BTBD9: variants seen among roughly 807,000 people sequenced by gnomAD.
The protein encoded by BTBD9 is BTB domain containing 9.
In BTBD9, 49 loss-of-function variants were observed where a neutral mutation model predicts 64.3. That is an observed-to-expected ratio of 0.76 (90% CI 0.61 to 0.97). BTBD9 has a LOEUF of 0.97. BTBD9 is among the 50% of genes least tolerant of loss of function. The pLI, the probability that BTBD9 is intolerant of heterozygous loss-of-function variation, is 0.00. For synonymous variants in BTBD9, 260 were observed against 274.7 expected (o/e 0.95, Z 0.53); for missense variants, 598 against 762.1 (o/e 0.78, Z 2.53).
intron 7 of BTBD9, among the ~76,000 whole-genome samples, chr6:38,329,941 A>G (rs1436525913): frequency 6.6e-6 from 1 of 152,198 alleles, no homozygotes. Flanking sequence ...CAACAAGAGC[A>G]AAATTCCATC....
At chr6:38,284,325 T>C (rs917643107) in intron 8 of BTBD9, among the ~76,000 whole-genome samples, 6 of 152,184 alleles carry the variant, frequency 3.9e-5, no homozygotes, top group African/African-American at 1.4e-4. Flanking sequence ...AGAACCACTT[T>C]CATTCCACAT....
intron 6 of BTBD9, among the ~76,000 whole-genome samples, chr6:38,463,121 CCCCT>C (rs1770180181): frequency 6.6e-6 from 1 of 152,096 alleles, no homozygotes; most frequent in Non-Finnish European, 1.5e-5. Flanking sequence ...CAGATTTTTT[CCCCT>C]AAGTATTTCA....
chr6:38,315,109 A>G (rs745344781), intron 7 of BTBD9, among the ~76,000 whole-genome samples: 1 of 152,184 alleles, frequency 6.6e-6, no homozygotes, highest in Admixed American at 6.5e-5. Flanking sequence ...CAGCCTCCCA[A>G]AGTGCTGGGA....
intron 6 of BTBD9, among the ~76,000 whole-genome samples, chr6:38,375,595 C>G (rs897923049): frequency 3.3e-5 from 5 of 152,160 alleles, no homozygotes; most frequent in African/African-American, 9.7e-5. Flanking sequence ...TATTTGAACT[C>G]TGACAACAAT....
Position 38,269,496 on chromosome 6 carries a change from T to C in BTBD9, c.1455-12980A>G, listed in dbSNP as rs147878227. Among the ~76,000 whole-genome samples, 3 of 152,346 alleles carry C rather than the reference T, an allele frequency of 2.0e-5. No individual in the cohort carries two copies. The East Asian group carries it at 5.8e-4, about 29-fold the overall frequency. ...GATCACAAGTTTTAATTCAAACGTT[T>C]TCAGCTGAACATTAATAACGCTGGC... On this transcript the variant is annotated intron_variant, in intron 8 of 10. Coordinates refer to ENST00000481247, the MANE Select transcript of BTBD9 (RefSeq NM_001099272.2).
Position 38,551,699 on chromosome 6 carries a change from C to T in BTBD9, c.1154+25901G>A, listed in dbSNP as rs116954937. Among the ~76,000 whole-genome samples, 317 of 152,280 alleles carry T rather than the reference C, an allele frequency of 2.1e-3. 7 individuals are homozygous for T. The East Asian group carries it at 0.04, about 19-fold the overall frequency. On this transcript the variant is annotated intron_variant, in intron 6 of 10. Coordinates refer to ENST00000481247, the MANE Select transcript of BTBD9 (RefSeq NM_001099272.2). ...ACCCTGAACCAATACACTATATTGC[C>T]TCTGTGCTATGGATCTTGGGTTTCA...
At chr6:38,624,139 C>T (rs376597501) in intron 1 of BTBD9, among the ~76,000 whole-genome samples, 12 of 152,208 alleles carry the variant, frequency 7.9e-5, no homozygotes, top group South Asian at 6.2e-4. Flanking sequence ...CTCTGTAAAA[C>T]GCACCAATCT....
chr6:38,474,341 G>A (rs1562236048), intron 6 of BTBD9, among the ~76,000 whole-genome samples: 2 of 152,202 alleles, frequency 1.3e-5, no homozygotes, highest in South Asian at 2.1e-4. Flanking sequence ...CGGCTAATAT[G>A]GTGAAATTCT....
At chr6:38,310,659 T>TA (rs1173314612) in intron 7 of BTBD9, among the ~76,000 whole-genome samples, 2 of 152,236 alleles carry the variant, frequency 1.3e-5, no homozygotes, top group African/African-American at 4.8e-5. Context: ...TAGTTTTTTT[T>TA]ATTTTTTAAT....
In BTBD9 at chr6:38,397,052, C is replaced by T. The variant is rs558878072; in HGVS notation, c.1155-51959G>A. Among the ~76,000 whole-genome samples, 7 of 151,854 alleles carry T rather than the reference C, an allele frequency of 4.6e-5. No homozygotes were observed. In the South Asian group the frequency reaches 8.3e-4, roughly 18 times the overall value. On this transcript the variant is annotated intron_variant, in intron 6 of 10. Transcript: ENST00000481247. ...AAGTAGCAGGGATTACAGGTGTGCA[C>T]CACCCCACCTGGCTAATTTTTGTAT...
intron 9 of BTBD9, chr6:38,193,753 C>G (rs1332060505): frequency 2.1e-6 from 2 of 958,066 alleles, no homozygotes; most frequent in African/African-American, 3.5e-5. Context: ...GAAGCTGTTT[C>G]CTGTAATTGT....
chr6:38,519,939 A>G lies in BTBD9; in HGVS notation c.1154+57661T>C, dbSNP rs149398216. On this transcript the variant is annotated intron_variant, in intron 6 of 10. Coordinates refer to ENST00000481247, the MANE Select transcript of BTBD9 (RefSeq NM_001099272.2). ...GACAAAGAAAGATAACCACTGTAGC[A>G]TCACTTATAAGAACAAAATACATAA... Among the ~76,000 whole-genome samples the G allele has an allele frequency of 2.2e-3, 328 of 152,352 alleles. 2 individuals carry two copies. The highest frequency in any genetic ancestry group is 7.6e-3 in the African/African-American group (315 of 41,584).
At chr6:38,566,411 A>G (rs1775518528) in intron 6 of BTBD9, among the ~76,000 whole-genome samples, 1 of 152,162 alleles carries the variant, frequency 6.6e-6, no homozygotes, top group African/African-American at 2.4e-5. Context: ...GAGTTGAAAT[A>G]TTTTTTCTTA....
Position 38,306,083 on chromosome 6 carries a change from C to T in BTBD9, c.1265-17622G>A, listed in dbSNP as rs373934266. Among the ~76,000 whole-genome samples, 5 of 152,224 alleles carry T rather than the reference C, an allele frequency of 3.3e-5. No individual in the cohort carries two copies. In the South Asian group the frequency reaches 1.0e-3, roughly 32 times the overall value. ...AGTGATTCTATATCTGAATGCAGCACACAGAAGGTTCCACACTGTTTTTCT... is the reference window on the plus strand; with the variant it reads ...AGTGATTCTATATCTGAATGCAGCATACAGAAGGTTCCACACTGTTTTTCT... On this transcript the variant is annotated intron_variant, in intron 7 of 10. Transcript: ENST00000481247.
intron 6 of BTBD9, among the ~76,000 whole-genome samples, chr6:38,523,604 T>C (rs1773360771): frequency 6.6e-6 from 1 of 152,194 alleles, no homozygotes; most frequent in African/African-American, 2.4e-5. Context: ...TCCCCTCCTC[T>C]AAGATTATCC....
At chr6:38,255,132 T>C (rs934818017) in intron 9 of BTBD9, among the ~76,000 whole-genome samples, 1 of 152,194 alleles carries the variant, frequency 6.6e-6, no homozygotes, top group African/African-American at 2.4e-5. Flanking sequence ...TTGAAAACAC[T>C]ATGCTAAGTG....
chr6:38,378,822 C>T (rs1198158743), intron 6 of BTBD9, among the ~76,000 whole-genome samples: 3 of 148,572 alleles, frequency 2.0e-5, no homozygotes, highest in Non-Finnish European at 4.5e-5. Flanking sequence ...TGCAGTGAGC[C>T]GATATGGCAC....
chr6:38,188,613 A>C (rs901805251), intron 10 of BTBD9, among the ~76,000 whole-genome samples: 6 of 152,242 alleles, frequency 3.9e-5, no homozygotes, highest in African/African-American at 1.2e-4. Context: ...AGCTAAAGGG[A>C]AACAGAGTGT....
intron 2 of BTBD9, among the ~76,000 whole-genome samples, chr6:38,595,252 T>G (rs943042278): frequency 2.0e-5 from 3 of 152,250 alleles, no homozygotes; most frequent in Admixed American, 2.0e-4. Context: ...ACATCACTTA[T>G]TTCTGGGAAA....
Sources: gnomAD v4.1 joint callset for allele counts (sites outside exome capture counted in the v4.1 genomes callset) on GRCh38, gnomAD v4.1.1 for gene constraint, MANE v1.5 for transcripts, NCBI Gene and HGNC (gene_info 2026-07-23, HGNC 2026-07-21) for gene names.